The following PUM1 variants were observed in gnomAD, a reference collection of about 807,000 sequenced individuals.
PUM1 encodes the protein pumilio RNA binding family member 1, also known as pumilio homolog 1.
A neutral mutation model predicts 131.8 loss-of-function variants in PUM1; 13 were observed. That is an observed-to-expected ratio of 0.10 (90% confidence interval 0.06 to 0.16). The LOEUF (loss-of-function observed/expected upper bound fraction) is 0.16, where lower values mean the gene tolerates loss of function less well. Ranked by LOEUF, PUM1 falls within the 10% of genes least tolerant of loss-of-function variation. The pLI is 1.00. For synonymous variants in PUM1, 509 were observed against 556.5 expected, an observed-to-expected ratio of 0.91 and a Z score of 1.20; for missense variants, 961 against 1,512.4, an observed-to-expected ratio of 0.64 and a Z score of 6.05.
intron 21 of PUM1, 97 bp from the exon 22 acceptor site, chr1:30,933,439 TACACACAC>T (rs58664754): frequency 0.012 from 4,272 of 363,266 alleles, 42 homozygotes; most frequent in African/African-American, 0.048. Context: ...CACACACACA[TACACACAC>T]ACACACACAC....
At chr1:31,011,164 T>TACATACAC (rs1553150338) in intron 3 of PUM1, among the ~76,000 whole-genome samples, 1 of 142,976 alleles carries the variant, frequency 7.0e-6, no homozygotes, top group Non-Finnish European at 1.5e-5. Context: ...TCTCTTAAAA[T>TACATACAC]ACACACACAC....
chr1:30,933,445 C>T (rs892007277), intron 21 of PUM1, 103 bp from the exon 22 acceptor site: 408 of 485,294 alleles, frequency 8.4e-4, no homozygotes, highest in African/African-American at 1.7e-3. Flanking sequence ...CACATACACA[C>T]ACACACACAC....
At chr1:30,952,419 A>G in intron 15 of PUM1, 56 bp from the exon 16 acceptor site, 2 of 1,610,692 alleles carry the variant, frequency 1.2e-6, no homozygotes, top group East Asian at 2.2e-5. Context: ...CTGGAGATAC[A>G]TCAGTGTACC....
rs1324833960 is a variant in PUM1 at position 30,932,011 on chromosome 1, A to AT, written c.*1199dup. 2 of 152,578 alleles carry AT rather than the reference A, an allele frequency of 1.3e-5. No individual in the cohort carries two copies. The highest frequency in any genetic ancestry group is 2.4e-5 in the African/African-American group (1 of 41,430). 9.5% of individuals were successfully genotyped at this position (152,578 alleles called of 1,614,324 possible). Reference sequence around the variant, plus strand: ...ACTAGATGACAAATAAAACCAAGCTATTTTTTTCTTTTTAAACATTAACTA... The same window carrying AT: ...ACTAGATGACAAATAAAACCAAGCTATTTTTTTTCTTTTTAAACATTAACTA... On this transcript the variant is annotated 3_prime_UTR_variant, in exon 22 of 22. Coordinates refer to ENST00000426105, the MANE Select transcript of PUM1 (RefSeq NM_001020658.2).
intron 11 of PUM1, 37 bp downstream of exon 11, chr1:30,968,317 C>T: frequency 6.3e-7 from 1 of 1,587,716 alleles, no homozygotes; most frequent in Non-Finnish European, 8.6e-7. Flanking sequence ...CAGCCTTTTT[C>T]CCTGCCAAAG....
chr1:30,995,549 T>C (rs1417065921), intron 5 of PUM1, among the ~76,000 whole-genome samples: 1 of 152,052 alleles, frequency 6.6e-6, no homozygotes, highest in Admixed American at 6.5e-5. Flanking sequence ...TTTGCAGCTC[T>C]TGGTCAAGTT....
chr1:30,966,061 G>C lies in PUM1; in HGVS notation c.2007C>G (p.Ala669=). The change falls in exon 13 of 22, where the codon GCC becomes GCG. Residue 669 remains alanine (A), a synonymous_variant. Coordinates refer to ENST00000426105, the MANE Select transcript of PUM1 (RefSeq NM_001020658.2). The part of the protein sequence containing the change: ...SLFSQGSAQP[A]NTSLGFGSSS... The stretch of plus-strand genomic sequence containing the variant: ...TACTTCCGAATCCCAAGGATGTGTT[G>C]GCAGGCTGGGCAGAGCCCTGGGAGA... 1 of 1,614,188 alleles carries C rather than the reference G, an allele frequency of 6.2e-7. No individual in the cohort carries two copies. The highest frequency in any genetic ancestry group is 1.1e-5 in the South Asian group (1 of 91,080).
At chr1:30,943,038 G>T (rs1055951855) in intron 18 of PUM1, among the ~76,000 whole-genome samples, 1 of 152,148 alleles carries the variant, frequency 6.6e-6, no homozygotes, top group Non-Finnish European at 1.5e-5. Context: ...TTACAGGTGT[G>T]AGCCACTGCA....
intron 5 of PUM1, among the ~76,000 whole-genome samples, chr1:31,001,663 T>A (rs545641848): frequency 2.6e-5 from 4 of 152,220 alleles, no homozygotes; most frequent in Non-Finnish European, 5.9e-5. Context: ...AAGAAATTCA[T>A]GAAAGTACAG....
intron 7 of PUM1, among the ~76,000 whole-genome samples, chr1:30,986,218 G>A (rs928572870): frequency 5.3e-5 from 8 of 152,140 alleles, no homozygotes; most frequent in South Asian, 2.1e-4. Context: ...GCCTCCCAAA[G>A]CGCTGGGATT....
Position 30,942,191 on chromosome 1 carries a change from T to TTATATATATATA in PUM1, c.2995-80_2995-69dup, listed in dbSNP as rs58848270. ...ACCACCTTCAATGCTTCAGTATTGT[T>TTATATATATATA]TATATATATATATATATATATATAT... On this transcript the variant is annotated intron_variant, in intron 18 of 21. Coordinates refer to ENST00000426105, the MANE Select transcript of PUM1 (RefSeq NM_001020658.2). The TTATATATATATA allele has an allele frequency of 3.6e-3, 520 of 144,902 alleles. 22 individuals carry two copies. Among genetic ancestry groups the TTATATATATATA allele is most frequent in the African/African-American group, 9.9e-3 (163 of 16,492 alleles). 9.0% of individuals were successfully genotyped at this position (144,902 alleles called of 1,614,324 possible).
At chr1:31,042,413 T>C (rs996620573) in intron 2 of PUM1, among the ~76,000 whole-genome samples, 1 of 152,094 alleles carries the variant, frequency 6.6e-6, no homozygotes, top group South Asian at 2.1e-4. Context: ...ATTCAACATA[T>C]CTACTAACTT....
At position 30,968,458 on chromosome 1, in the gene PUM1, G is replaced by A. The variant is rs1386639314; in HGVS notation, c.1541C>T (p.Thr514Ile). ...CTGTCCCTGCTGGTTCTGGTTTGGGGTCAAAGGACGTTGGCTGGCTCCTCC... is the reference window on the plus strand; with the variant it reads ...CTGTCCCTGCTGGTTCTGGTTTGGGATCAAAGGACGTTGGCTGGCTCCTCC... Reference protein sequence around the residue: ...LRGGASQRPLTPNQNQQGQQT... With the variant: ...LRGGASQRPLIPNQNQQGQQT... Residue 514 changes from threonine to isoleucine, a missense_variant, in exon 11 of 22, where the codon ACC becomes ATC. This residue lies in a region of PUM1 where 654 missense variants were observed against 923.9 expected (regional missense o/e 0.71). Coordinates refer to ENST00000426105, the MANE Select transcript of PUM1 (RefSeq NM_001020658.2). 1.9e-6 allele frequency: 3 copies of A among 1,594,240 alleles called. No individual in the cohort carries two copies. Among genetic ancestry groups the A allele is most frequent in the South Asian group, 1.1e-5 (1 of 87,166 alleles).
intron 7 of PUM1, among the ~76,000 whole-genome samples, chr1:30,982,325 A>T (rs1641387228): frequency 6.6e-6 from 1 of 152,242 alleles, no homozygotes; most frequent in African/African-American, 2.4e-5. Flanking sequence ...TAGGGATATG[A>T]CAGTCAATAA....
At chr1:31,036,306 T>C (rs1183251879) in intron 2 of PUM1, among the ~76,000 whole-genome samples, 2 of 152,044 alleles carry the variant, frequency 1.3e-5, no homozygotes, top group Admixed American at 6.6e-5. Context: ...TCCGACCTCA[T>C]GATCCGCCTG....
chr1:31,027,724 A>G (rs1643278695), intron 3 of PUM1, among the ~76,000 whole-genome samples: 1 of 152,194 alleles, frequency 6.6e-6, no homozygotes, highest in Non-Finnish European at 1.5e-5. Flanking sequence ...CTAACCACAA[A>G]GGCAATCAAG....
intron 3 of PUM1, among the ~76,000 whole-genome samples, 190 bp downstream of exon 3, chr1:31,028,600 AGGTTAT>A (rs1351637054): frequency 6.6e-6 from 1 of 152,254 alleles, no homozygotes; most frequent in Non-Finnish European, 1.5e-5. Flanking sequence ...TTAAGACATT[AGGTTAT>A]GGTTAACATT....
intron 3 of PUM1, among the ~76,000 whole-genome samples, chr1:31,015,253 C>A (rs987120759): frequency 3.3e-5 from 5 of 152,264 alleles, no homozygotes; most frequent in Admixed American, 2.6e-4. Flanking sequence ...ATAAATAAAA[C>A]TGAGATTATG....
rs1484526770 is a variant in PUM1, at chr1:31,001,476, C to T, written c.720+4377G>A. ...AAATCTGATCCTTTTGTGAGGATTC[C>T]TACTCACAAACAATGCCAGTATGGC... On this transcript the variant is annotated intron_variant, in intron 5 of 21. Coordinates refer to ENST00000426105, the MANE Select transcript of PUM1 (RefSeq NM_001020658.2). Among the ~76,000 whole-genome samples the T allele has an allele frequency of 3.3e-5, 5 of 152,124 alleles. No individual in the cohort carries two copies. The East Asian group carries it at 9.6e-4, about 29-fold the overall frequency.
Sources: gnomAD v4.1 joint callset for allele counts (sites outside exome capture counted in the v4.1 genomes callset) on GRCh38, gnomAD v4.1.1 for gene constraint, gnomAD v4.1.1 regional missense constraint, MANE v1.5 for transcripts, NCBI Gene and HGNC (gene_info 2026-07-23, HGNC 2026-07-21) for gene names.